Variants in GRIK2 observed in about 807,000 individuals in gnomAD.
GRIK2 encodes the protein glutamate ionotropic receptor kainate type subunit 2.
GRIK2 carries 32 observed loss-of-function variants against 100.3 expected under a neutral mutation model. The ratio of observed to expected loss-of-function variants is 0.32; its 90% CI spans 0.24 to 0.43. The LOEUF (loss-of-function observed/expected upper bound fraction) is 0.43. Ranked by LOEUF, GRIK2 falls within the 20% of genes least tolerant of loss-of-function variation. The pLI is 1.00. For missense variants in GRIK2, 843 were observed against 1,114.9 expected (o/e 0.76, Z 3.47); for synonymous variants, 417 against 389.4 (o/e 1.07, Z -0.83).
In GRIK2 at chr6:102,041,106, T is replaced by C. The variant is rs150563279; in HGVS notation, c.2311+5540T>C. Among the ~76,000 whole-genome samples, 1,076 of 151,716 alleles carry C rather than the reference T, an allele frequency of 7.1e-3. 15 individuals are homozygous for C. The highest frequency in any genetic ancestry group is 0.025 in the African/African-American group (1,019 of 41,486). On this transcript the variant is annotated intron_variant, in intron 15 of 16. Coordinates refer to ENST00000369134, the MANE Select transcript of GRIK2 (RefSeq NM_021956.5). The stretch of plus-strand genomic sequence containing the variant: ...CTGAAAACATAAGCATCTCAATAAG[T>C]TATGCCTGCTCCACAGACATCATTA...
chr6:101,519,528 C>T (rs1463599498), intron 2 of GRIK2, among the ~76,000 whole-genome samples: 3 of 152,066 alleles, frequency 2.0e-5, no homozygotes, highest in Admixed American at 2.0e-4. Flanking sequence ...TTGGTAAACC[C>T]ATTTTAGAGC....
At chr6:101,860,943 A>G in intron 11 of GRIK2, 2 of 923,440 alleles carry the variant, frequency 2.2e-6, no homozygotes, top group Non-Finnish European at 1.3e-6. Context: ...CCTTGAAAAA[A>G]GACCTTTTCC....
chr6:101,638,003 A>G (rs778072141), intron 4 of GRIK2, among the ~76,000 whole-genome samples: 3 of 151,864 alleles, frequency 2.0e-5, no homozygotes, highest in Non-Finnish European at 2.9e-5. Context: ...TATTTAGAAT[A>G]TTATTTCTTG....
chr6:101,586,798 G>A (rs1327638607), intron 2 of GRIK2, among the ~76,000 whole-genome samples: 2 of 148,808 alleles, frequency 1.3e-5, no homozygotes, highest in Non-Finnish European at 3.0e-5. Flanking sequence ...GCTGAGGCAT[G>A]AGAATTGCTT....
Position 101,676,649 on chromosome 6 carries a change from A to C in GRIK2, c.568A>C (p.Lys190Gln). The C allele has an allele frequency of 6.3e-7, 1 of 1,587,234 alleles. No individual in the cohort carries two copies. The highest frequency in any genetic ancestry group is 8.6e-7 in the Non-Finnish European group (1 of 1,167,418). The change falls in exon 5 of 17, where the codon AAA (lysine) becomes CAA (glutamine). Residue 190 changes from lysine to glutamine, a missense_variant. Lys to Gln is a moderately conservative substitution (Grantham distance 53). Transcript: ENST00000369134. The part of the protein sequence containing the change: ...TGLIRLQELI[K>Q]APSRYNLRLK... ...TCTCATTCGTTTGCAAGAGCTCATC[A>C]AAGCTCCATCAAGGTATAATCTTCG...
chr6:101,408,036 A>C (rs1186675581), intron 2 of GRIK2, among the ~76,000 whole-genome samples: 1 of 152,150 alleles, frequency 6.6e-6, no homozygotes, highest in Admixed American at 6.6e-5. Flanking sequence ...ATGGGCTAGC[A>C]CTGAAGGGGC....
intron 6 of GRIK2, among the ~76,000 whole-genome samples, chr6:101,683,704 A>T (rs543118220): frequency 1.8e-4 from 27 of 152,232 alleles, no homozygotes; most frequent in African/African-American, 6.3e-4. Context: ...TAAATGTTCT[A>T]TGTAATATTT....
At chr6:101,885,838 C>T (rs941060496) in intron 11 of GRIK2, among the ~76,000 whole-genome samples, 1 of 152,048 alleles carries the variant, frequency 6.6e-6, no homozygotes, top group African/African-American at 2.4e-5. Flanking sequence ...CATTTCCATA[C>T]ACATTTTCCC....
Position 101,429,783 on chromosome 6 carries a change from G to A in GRIK2, c.115+30391G>A, listed in dbSNP as rs9485498. On this transcript the variant is annotated intron_variant, in intron 2 of 16. Coordinates refer to ENST00000369134, the MANE Select transcript of GRIK2 (RefSeq NM_021956.5). ...TAATGTTCTCACATAACAGTAGAAA[G>A]CCAAAATTTGTTGTCATTTCTTAAA... Among the ~76,000 whole-genome samples the A allele has an allele frequency of 1.2e-3, 183 of 152,108 alleles. 1 individual carries two copies. The highest frequency in any genetic ancestry group is 4.3e-3 in the African/African-American group (180 of 41,474).
At chr6:101,898,013 A>G (rs1787584467) in intron 12 of GRIK2, among the ~76,000 whole-genome samples, 1 of 151,846 alleles carries the variant, frequency 6.6e-6, no homozygotes, top group Admixed American at 6.6e-5. Flanking sequence ...AAAAAAGAAG[A>G]AAACTAATAC....
intron 11 of GRIK2, among the ~76,000 whole-genome samples, chr6:101,859,814 G>A (rs968203298): frequency 1.3e-5 from 2 of 152,106 alleles, no homozygotes; most frequent in Non-Finnish European, 2.9e-5. Context: ...TTGGCAAGAG[G>A]CTTAATTAGC....
chr6:101,414,076 G>A (rs1185150012), intron 2 of GRIK2, among the ~76,000 whole-genome samples: 1 of 152,130 alleles, frequency 6.6e-6, no homozygotes, highest in Non-Finnish European at 1.5e-5. Context: ...ATATTCTATA[G>A]ACATAGGTAA....
At chr6:101,713,392 T>G (rs912062073) in intron 7 of GRIK2, among the ~76,000 whole-genome samples, 2 of 151,800 alleles carry the variant, frequency 1.3e-5, no homozygotes, top group Non-Finnish European at 2.9e-5. Context: ...GTAATTCGGT[T>G]CGTGAAGACT....
chr6:101,570,099 T>G (rs1258934734), intron 2 of GRIK2, among the ~76,000 whole-genome samples: 1 of 152,054 alleles, frequency 6.6e-6, no homozygotes, highest in Non-Finnish European at 1.5e-5. Context: ...GTAGTTGATA[T>G]TAGTGCAGTG....
chr6:101,679,709 A>C (rs547676048), intron 5 of GRIK2, among the ~76,000 whole-genome samples: 4 of 152,182 alleles, frequency 2.6e-5, no homozygotes, highest in Non-Finnish European at 5.9e-5. Flanking sequence ...GTAGGTACTT[A>C]ATCAAAAATA....
intron 2 of GRIK2, among the ~76,000 whole-genome samples, chr6:101,538,881 T>C (rs145023959): frequency 6.6e-6 from 1 of 151,778 alleles, no homozygotes; most frequent in Non-Finnish European, 1.5e-5. Context: ...AGAGACCTCC[T>C]TTGTCAGCTT....
chr6:101,525,346 G>T (rs1251030521), intron 2 of GRIK2, among the ~76,000 whole-genome samples: 1 of 152,200 alleles, frequency 6.6e-6, no homozygotes, highest in African/African-American at 2.4e-5. Context: ...GTGGTCAGCT[G>T]TATGGGTTAA....
intron 4 of GRIK2, among the ~76,000 whole-genome samples, chr6:101,676,016 G>T (rs1414202766): frequency 6.6e-6 from 1 of 152,100 alleles, no homozygotes; most frequent in Non-Finnish European, 1.5e-5. Context: ...CATAAATTAG[G>T]TGCGTGATAA....
chr6:101,746,897 T>C (rs539057213), intron 7 of GRIK2, among the ~76,000 whole-genome samples: 2 of 152,216 alleles, frequency 1.3e-5, no homozygotes, highest in African/African-American at 4.8e-5. Context: ...TGTAATATGG[T>C]TGTGTTCTCC....
Sources: gnomAD v4.1 joint callset for allele counts (sites outside exome capture counted in the v4.1 genomes callset) on GRCh38, gnomAD v4.1.1 for gene constraint, MANE v1.5 for transcripts, NCBI Gene and HGNC (gene_info 2026-07-23, HGNC 2026-07-21) for gene names.